Variants in PCSK2 observed in about 807,000 individuals in gnomAD.
PCSK2 encodes neuroendocrine convertase 2.
In PCSK2, 14 loss-of-function variants were observed where a neutral mutation model predicts 69.7. The observed-to-expected ratio is 0.20, with a 90% CI of 0.13 to 0.31. The LOEUF (loss-of-function observed/expected upper bound fraction) is 0.31, where lower values mean the gene tolerates loss of function less well. Among genes scored for constraint, PCSK2 ranks in the 10% least tolerant of loss-of-function variants. PCSK2 has a pLI of 1.00. For synonymous variants in PCSK2, 307 were observed against 320.7 expected, an observed-to-expected ratio of 0.96 and a Z score of 0.46; for missense variants, 544 against 842.5, an observed-to-expected ratio of 0.65 and a Z score of 4.39.
At chr20:17,456,555 C>G (rs1193511766) in intron 10 of PCSK2, 107 bp downstream of exon 10, 1 of 688,818 alleles carries the variant, frequency 1.5e-6, no homozygotes, top group Non-Finnish European at 2.6e-6. Context: ...ATGTGAGAGG[C>G]CATGAATAGT....
intron 6 of PCSK2, among the ~76,000 whole-genome samples, chr20:17,428,183 T>G (rs892049933): frequency 6.6e-6 from 1 of 152,230 alleles, no homozygotes; most frequent in African/African-American, 2.4e-5. Context: ...ATATCTTTAC[T>G]TTGTTCAAGC....
intron 5 of PCSK2, among the ~76,000 whole-genome samples, chr20:17,397,452 G>A (rs2031535274): frequency 6.6e-6 from 1 of 151,366 alleles, no homozygotes; most frequent in Non-Finnish European, 1.5e-5. Context: ...CCCTCCAGCA[G>A]CCCTCAACTA....
At chr20:17,376,790 T>A (rs192295985) in intron 5 of PCSK2, among the ~76,000 whole-genome samples, 10 of 152,354 alleles carry the variant, frequency 6.6e-5, no homozygotes, top group Admixed American at 5.2e-4. Context: ...TTTGTAAGTG[T>A]TTTGTGTCCC....
At chr20:17,438,974 G>A (rs1414649390) in intron 8 of PCSK2, among the ~76,000 whole-genome samples, 1 of 152,164 alleles carries the variant, frequency 6.6e-6, no homozygotes, top group Admixed American at 6.5e-5. Context: ...TGAGTCTGGG[G>A]CAGCCGAATC....
chr20:17,463,508 C>CT (rs199610440), intron 10 of PCSK2: 2,991 of 146,730 alleles, frequency 0.02, 222 homozygotes, highest in East Asian at 0.2. Flanking sequence ...TTCTTTTTTT[C>CT]TTTTTTTTTT....
At chr20:17,318,875 C>A (rs1989775339) in intron 2 of PCSK2, among the ~76,000 whole-genome samples, 1 of 151,898 alleles carries the variant, frequency 6.6e-6, no homozygotes. Flanking sequence ...AGTACACACA[C>A]AATCAGAACA....
At chr20:17,254,180 A>C (rs965101506) in intron 1 of PCSK2, among the ~76,000 whole-genome samples, 21 of 152,074 alleles carry the variant, frequency 1.4e-4, no homozygotes, top group Non-Finnish European at 2.5e-4. Flanking sequence ...TTCCTTCGCT[A>C]TTTCTTTTGA....
intron 5 of PCSK2, among the ~76,000 whole-genome samples, chr20:17,399,664 C>G (rs2031591414): frequency 6.6e-6 from 1 of 152,144 alleles, no homozygotes; most frequent in Non-Finnish European, 1.5e-5. Context: ...TGCAAGGAGC[C>G]ACAGTCCTGC....
chr20:17,251,565 A>G (rs113982834), intron 1 of PCSK2, among the ~76,000 whole-genome samples: 2,742 of 152,338 alleles, frequency 0.018, 37 homozygotes, highest in Non-Finnish European at 0.027. Flanking sequence ...AGCTGCTCCA[A>G]GACGGTGTCA....
At chr20:17,454,593 T>G (rs1183536584) in intron 9 of PCSK2, among the ~76,000 whole-genome samples, 1 of 152,254 alleles carries the variant, frequency 6.6e-6, no homozygotes, top group African/African-American at 2.4e-5. Context: ...ATGGTGAATT[T>G]TCCAAGCCCC....
intron 2 of PCSK2, among the ~76,000 whole-genome samples, chr20:17,311,203 G>GA (rs1037500019): frequency 1.3e-5 from 2 of 151,968 alleles, no homozygotes; most frequent in African/African-American, 4.8e-5. Flanking sequence ...CTGCTTATAA[G>GA]AAAAAATGTT....
chr20:17,469,465 T>C (rs2033163756), intron 11 of PCSK2, among the ~76,000 whole-genome samples: 2 of 152,116 alleles, frequency 1.3e-5, no homozygotes, highest in South Asian at 4.1e-4. Flanking sequence ...TTTACATTAC[T>C]GTATTTAATC....
At chr20:17,320,804 A>G (rs1333411670) in intron 2 of PCSK2, among the ~76,000 whole-genome samples, 1 of 152,220 alleles carries the variant, frequency 6.6e-6, no homozygotes, top group Non-Finnish European at 1.5e-5. Flanking sequence ...GGTTTCTAAA[A>G]GCAGCTTCAA....
Position 17,446,979 on chromosome 20 carries a change from G to A in PCSK2, c.886-6763G>A, listed in dbSNP as rs146334916. On this transcript the variant is annotated intron_variant, in intron 8 of 11. Coordinates refer to ENST00000262545, the MANE Select transcript of PCSK2 (RefSeq NM_002594.5). ...TAAAAGGAATACCATGAGGTCAGGC[G>A]AGGTGGCTCACACCTGTAATCCCAG... is the stretch of plus-strand genomic sequence containing the variant. 6.1e-3 allele frequency among the ~76,000 whole-genome samples: 929 copies of A among 152,206 alleles called. 5 individuals are homozygous for A. Among genetic ancestry groups the A allele is most frequent in the Non-Finnish European group, 0.011 (720 of 68,018 alleles).
intron 7 of PCSK2, among the ~76,000 whole-genome samples, chr20:17,434,635 C>T (rs1465716370): frequency 1.3e-5 from 2 of 152,176 alleles, no homozygotes; most frequent in Non-Finnish European, 1.5e-5. Context: ...GTTCAAGGCA[C>T]AGCTGGAAGT....
chr20:17,337,996 A>G (rs1990402691), intron 2 of PCSK2, among the ~76,000 whole-genome samples: 1 of 151,592 alleles, frequency 6.6e-6, no homozygotes, highest in Non-Finnish European at 1.5e-5. Context: ...CTTTCTGCAT[A>G]CAATGTGCCT....
At chr20:17,339,423 T>A (rs1990445855) in intron 2 of PCSK2, among the ~76,000 whole-genome samples, 1 of 152,206 alleles carries the variant, frequency 6.6e-6, no homozygotes, top group Non-Finnish European at 1.5e-5. Context: ...CGACATTTCC[T>A]CATTGGCTTT....
intron 10 of PCSK2, among the ~76,000 whole-genome samples, chr20:17,458,026 C>T (rs1025701328): frequency 1.3e-5 from 2 of 152,182 alleles, no homozygotes; most frequent in Admixed American, 6.5e-5. Context: ...TTAGCACATA[C>T]GTCCAGATAT....
intron 10 of PCSK2, among the ~76,000 whole-genome samples, chr20:17,460,206 A>T (rs1211840140): frequency 2.0e-5 from 3 of 152,148 alleles, no homozygotes; most frequent in Non-Finnish European, 1.5e-5. Flanking sequence ...AAAGGGCAAA[A>T]AAATAAATAA....
Sources: gnomAD v4.1 joint callset for allele counts (sites outside exome capture counted in the v4.1 genomes callset) on GRCh38, gnomAD v4.1.1 for gene constraint, MANE v1.5 for transcripts, NCBI Gene and HGNC (gene_info 2026-07-23, HGNC 2026-07-21) for gene names.